THSD7B: variants seen among roughly 807,000 people sequenced by gnomAD.
THSD7B encodes the protein thrombospondin type-1 domain-containing protein 7B.
A neutral mutation model predicts 213.6 loss-of-function variants in THSD7B; 138 were observed. The observed-to-expected ratio is 0.65, with a 90% CI of 0.56 to 0.74. The LOEUF (loss-of-function observed/expected upper bound fraction) is 0.74. THSD7B is among the 30% of genes least tolerant of loss of function. THSD7B has a pLI of 0.00. For synonymous variants in THSD7B, 742 were observed against 687.0 expected, an observed-to-expected ratio of 1.08 and a Z score of -1.25; for missense variants, 1,931 against 1,991.5, an observed-to-expected ratio of 0.97 and a Z score of 0.58.
chr2:137,271,444 A>T (rs1682735635), intron 10 of THSD7B, among the ~76,000 whole-genome samples: 1 of 129,244 alleles, frequency 7.7e-6, no homozygotes, highest in Non-Finnish European at 1.6e-5. Context: ...ATATAATATA[A>T]TATATAATAT....
At chr2:137,307,109 C>T (rs1396063114) in intron 12 of THSD7B, among the ~76,000 whole-genome samples, 1 of 152,108 alleles carries the variant, frequency 6.6e-6, no homozygotes, top group Non-Finnish European at 1.5e-5. Context: ...TGAGCTTCTG[C>T]AGCAGCTTTA....
chr2:137,173,602 T>C (rs1380475992), intron 7 of THSD7B, among the ~76,000 whole-genome samples: 1 of 152,222 alleles, frequency 6.6e-6, no homozygotes, highest in East Asian at 1.9e-4. Flanking sequence ...TCATATCAGC[T>C]CCGTGAAGTC....
At chr2:137,558,997 C>G (rs1395896759) in intron 15 of THSD7B, among the ~76,000 whole-genome samples, 1 of 151,954 alleles carries the variant, frequency 6.6e-6, no homozygotes, top group Non-Finnish European at 1.5e-5. Context: ...CCTAGGAATC[C>G]AACTTACAAG....
At chr2:136,902,408 G>A (rs1018310906) in intron 2 of THSD7B, among the ~76,000 whole-genome samples, 2 of 152,198 alleles carry the variant, frequency 1.3e-5, no homozygotes, top group Non-Finnish European at 2.9e-5. Flanking sequence ...TTTCAAGCTG[G>A]AGGAGATCTT....
At chr2:137,202,791 A>T (rs1214018169) in intron 7 of THSD7B, among the ~76,000 whole-genome samples, 1 of 152,130 alleles carries the variant, frequency 6.6e-6, no homozygotes, top group Non-Finnish European at 1.5e-5. Flanking sequence ...CTCCAATTAC[A>T]TCTCTCTGGG....
intron 2 of THSD7B, among the ~76,000 whole-genome samples, chr2:137,033,882 C>A (rs1686722299): frequency 6.6e-6 from 1 of 152,082 alleles, no homozygotes; most frequent in African/African-American, 2.4e-5. Flanking sequence ...TGCTGGCCTG[C>A]TGCACCCATC....
intron 3 of THSD7B, among the ~76,000 whole-genome samples, chr2:137,089,531 C>A (rs974747091): frequency 1.3e-5 from 2 of 151,730 alleles, no homozygotes; most frequent in African/African-American, 4.8e-5. Flanking sequence ...AGATTGGAGA[C>A]TATTACTCTA....
At chr2:136,826,771 C>T (rs556433596) in intron 1 of THSD7B, among the ~76,000 whole-genome samples, 3 of 152,298 alleles carry the variant, frequency 2.0e-5, no homozygotes, top group African/African-American at 7.2e-5. Flanking sequence ...GCTTCCTTGT[C>T]GTCCCCAAAT....
chr2:137,411,677 C>G lies in THSD7B; in HGVS notation c.2764C>G (p.Pro922Ala). Residue 922 changes from proline to alanine, a missense_variant, in exon 14 of 28, where the codon CCT becomes GCT. Physicochemically the swap from Pro to Ala is conservative, Grantham distance 27. Transcript: ENST00000409968. ...CCCTCTAGTGGAGACAGAACTATGT[C>G]CTTGTGATGAATTTATATCCCAACC... ...LYPLVETELC[P>A]CDEFISQPYG... is the part of the protein sequence containing the mutation. 1 of 1,613,960 alleles carries G rather than the reference C, an allele frequency of 6.2e-7. No individual in the cohort carries two copies. Among genetic ancestry groups the G allele is most frequent in the Non-Finnish European group, 8.5e-7 (1 of 1,179,884 alleles).
intron 2 of THSD7B, among the ~76,000 whole-genome samples, chr2:136,908,345 T>G (rs971349364): frequency 4.6e-5 from 7 of 152,238 alleles, no homozygotes; most frequent in Non-Finnish European, 7.3e-5. Context: ...CATTGAATCT[T>G]CACACACAAG....
At chr2:136,890,324 T>C (rs542096116) in intron 2 of THSD7B, among the ~76,000 whole-genome samples, 1,251 of 4,324 alleles carry the variant, frequency 0.29, 99 homozygotes, top group East Asian at 0.49. Context: ...TTCTTCTTCT[T>C]CTTCTTCTTC....
intron 1 of THSD7B, among the ~76,000 whole-genome samples, chr2:136,868,438 T>C (rs1026006028): frequency 3.3e-5 from 5 of 152,132 alleles, no homozygotes; most frequent in African/African-American, 1.2e-4. Context: ...TGCTAGAAAA[T>C]TTTATAGGCT....
intron 14 of THSD7B, among the ~76,000 whole-genome samples, chr2:137,443,180 A>G (rs1238812932): frequency 6.6e-6 from 1 of 152,088 alleles, no homozygotes; most frequent in African/African-American, 2.4e-5. Flanking sequence ...GGCACAAGGG[A>G]GTTAATGTTG....
intron 2 of THSD7B, among the ~76,000 whole-genome samples, chr2:137,010,586 T>G (rs796445892): frequency 6.6e-5 from 10 of 152,340 alleles, no homozygotes; most frequent in African/African-American, 2.2e-4. Flanking sequence ...AGGCTCATAT[T>G]GTTTGTTACC....
At chr2:137,359,632 T>C (rs1281225301) in intron 12 of THSD7B, among the ~76,000 whole-genome samples, 1 of 152,142 alleles carries the variant, frequency 6.6e-6, no homozygotes, top group South Asian at 2.1e-4. Flanking sequence ...CTGACCCACA[T>C]TTTAAAACAG....
At chr2:136,794,024 A>G (rs1039265988) in intron 1 of THSD7B, among the ~76,000 whole-genome samples, 1 of 151,374 alleles carries the variant, frequency 6.6e-6, no homozygotes, top group African/African-American at 2.4e-5. Context: ...TATTGCTATA[A>G]ATTTGTTCAT....
intron 14 of THSD7B, among the ~76,000 whole-genome samples, chr2:137,433,345 A>G (rs1259498951): frequency 6.6e-6 from 1 of 151,790 alleles, no homozygotes; most frequent in Admixed American, 6.6e-5. Context: ...CAATATTTGC[A>G]ATATTGTATT....
At chr2:137,605,692 C>T (rs143738609) in intron 17 of THSD7B, among the ~76,000 whole-genome samples, 1,631 of 76,704 alleles carry the variant, frequency 0.021, 39 homozygotes, top group Middle Eastern at 0.14. Context: ...TTTTTTGAGA[C>T]GGAGTCCTGC....
At chr2:136,881,523 A>T (rs2104990897) in intron 1 of THSD7B, among the ~76,000 whole-genome samples, 1 of 152,308 alleles carries the variant, frequency 6.6e-6, no homozygotes, top group South Asian at 2.1e-4. Context: ...AATTTGCAAT[A>T]CCATCATAAT....
Sources: gnomAD v4.1 joint callset for allele counts (sites outside exome capture counted in the v4.1 genomes callset) on GRCh38, gnomAD v4.1.1 for gene constraint, MANE v1.5 for transcripts, NCBI Gene and HGNC (gene_info 2026-07-23, HGNC 2026-07-21) for gene names.